LRCH3: variants seen among roughly 807,000 people sequenced by gnomAD.
LRCH3 encodes the protein DISP complex protein LRCH3.
A neutral mutation model predicts 104.5 loss-of-function variants in LRCH3; 68 were observed. The observed-to-expected ratio is 0.65, with a 90% CI of 0.54 to 0.80. The LOEUF is 0.80. Among genes scored for constraint, LRCH3 ranks in the 30% least tolerant of loss-of-function variants. LRCH3 has a pLI of 0.00. For missense variants in LRCH3, 951 were observed against 953.9 expected (o/e 1.00, Z 0.04); for synonymous variants, 344 against 361.3 (o/e 0.95, Z 0.54).
intron 12 of LRCH3, chr3:197,850,887 C>G (rs200748390): frequency 1.1e-6 from 1 of 885,670 alleles, no homozygotes; most frequent in East Asian, 2.4e-5. Context: ...AAAGTGAACA[C>G]GAAGATTGGA....
At chr3:197,849,347 CAGA>C (rs142334771) in intron 12 of LRCH3, among the ~76,000 whole-genome samples, 4,609 of 150,244 alleles carry the variant, frequency 0.031, 104 homozygotes, top group Non-Finnish European at 0.044. Flanking sequence ...TTCCTACAAG[CAGA>C]AGTTCACAAA....
intron 20 of LRCH3, chr3:197,880,902 G>C: frequency 7.0e-7 from 1 of 1,427,456 alleles, no homozygotes; most frequent in Admixed American, 2.9e-5. Context: ...AAACATTTAC[G>C]ATTGCTAACA....
At chr3:197,850,319 A>C in intron 12 of LRCH3, 8 of 673,446 alleles carry the variant, frequency 1.2e-5, no homozygotes, top group Middle Eastern at 4.2e-4. Flanking sequence ...TACTCATTTA[A>C]TTCTCCCAAC....
In LRCH3 at chr3:197,850,892, A is replaced by C. The variant is rs895937536; in HGVS notation, c.1531-1669A>C. 5 of 867,516 alleles carry C rather than the reference A, an allele frequency of 5.8e-6. No individual in the cohort carries two copies. In the African/African-American group the frequency reaches 8.2e-5, roughly 14 times the overall value. The allele number at this position is 867,516 out of a possible 1,614,324, so 53.7% of individuals were successfully genotyped here. A position where few individuals can be genotyped will look rare whatever the true frequency, so the allele number is the denominator to read the frequency against. ...GAGTGTTCTTAAAGTGAACACGAAG[A>C]TTGGAACCTCTTGATTTGCATGATT... On this transcript the variant is annotated intron_variant, in intron 12 of 20. Transcript: ENST00000425562.
rs758042043 is a variant in LRCH3 at position 197,814,984 on chromosome 3, C to T, written c.339C>T (p.Tyr113=). 44 of 1,590,422 alleles carry T rather than the reference C, an allele frequency of 2.8e-5. 2 individuals carry two copies. In the South Asian group the frequency reaches 3.9e-4, roughly 14 times the overall value. ...HFVSLENLNL[Y]QNCIRYIPEA... is the part of the protein sequence containing the mutation. ...TTTCTCTGGAAAATCTCAACTTGTA[C>T]CAAAATTGTATTCGTTATATTCCAG... is the stretch of plus-strand genomic sequence containing the variant. The change falls in exon 2 of 21, where the codon TAC becomes TAT. Residue 113 remains tyrosine (Y), a synonymous_variant. Transcript: ENST00000425562.
intron 17 of LRCH3, among the ~76,000 whole-genome samples, chr3:197,867,409 T>TA: frequency 6.7e-6 from 1 of 149,154 alleles, no homozygotes; most frequent in South Asian, 2.1e-4. Context: ...GTGTGAAACT[T>TA]ATGTCTCAAA....
rs916945978 is a variant in LRCH3 at position 197,811,114 on chromosome 3, C to T, written c.263-3794C>T. ...CGTAACCCACTCTCATGACTCATCA[C>T]GGGGTCTTCAGTGACTGCGCTGCCG... On this transcript the variant is annotated intron_variant, in intron 1 of 20. Transcript: ENST00000425562. 5.3e-5 allele frequency among the ~76,000 whole-genome samples: 8 copies of T among 152,206 alleles called. No homozygotes were observed. The South Asian group carries it at 1.2e-3, about 24-fold the overall frequency.
At chr3:197,809,736 C>T (rs1442724493) in intron 1 of LRCH3, among the ~76,000 whole-genome samples, 1 of 151,820 alleles carries the variant, frequency 6.6e-6, no homozygotes, top group African/African-American at 2.4e-5. Flanking sequence ...TTTGTTTCCC[C>T]TTCATATCTT....
intron 13 of LRCH3, among the ~76,000 whole-genome samples, chr3:197,853,640 G>C (rs1418373399): frequency 6.6e-6 from 1 of 152,184 alleles, no homozygotes; most frequent in African/African-American, 2.4e-5. Flanking sequence ...TGTTTTTAAA[G>C]CACAGGAGTT....
intron 19 of LRCH3, among the ~76,000 whole-genome samples, chr3:197,871,798 A>C (rs2109528349): frequency 6.6e-6 from 1 of 152,346 alleles, no homozygotes. Flanking sequence ...CCAGCAGTAC[A>C]GAGAGGGGAG....
At chr3:197,850,838 C>T in intron 12 of LRCH3, 1 of 1,056,424 alleles carries the variant, frequency 9.5e-7, no homozygotes, top group Non-Finnish European at 1.5e-6. Flanking sequence ...TTCGTATATG[C>T]ATACCCTTGG....
chr3:197,799,556 A>G (rs1327791122), intron 1 of LRCH3, among the ~76,000 whole-genome samples: 1 of 152,146 alleles, frequency 6.6e-6, no homozygotes, highest in Non-Finnish European at 1.5e-5. Flanking sequence ...AAACTGGGTA[A>G]TAGATTTTCC....
At position 197,821,174 on chromosome 3, in the gene LRCH3, C is replaced by T. The variant is rs74905271; in HGVS notation, c.640+744C>T. ...ACTTAAAAATGGACTTTGACCTGAA[C>T]TTAACCGGTCACTGGAGATGTTCAA... is the stretch of plus-strand genomic sequence containing the variant. On this transcript the variant is annotated intron_variant, in intron 4 of 20. Transcript: ENST00000425562. Among the ~76,000 whole-genome samples the T allele has an allele frequency of 2.6e-3, 394 of 152,224 alleles. 3 individuals carry two copies. The highest frequency in any genetic ancestry group is 0.013 in the South Asian group (64 of 4,822).
intron 10 of LRCH3, among the ~76,000 whole-genome samples, chr3:197,840,760 A>G (rs1050981314): frequency 5.3e-5 from 8 of 152,156 alleles, no homozygotes; most frequent in Non-Finnish European, 8.8e-5. Context: ...TACTCTTATC[A>G]CTTAACTCAT....
At position 197,887,730 on chromosome 3, in the gene LRCH3, C is replaced by T. The variant is rs1389025305; in HGVS notation, c.*4064C>T. 4.5e-4 allele frequency: 34 copies of T among 76,144 alleles called. No homozygotes were observed. The highest frequency in any genetic ancestry group is 2.5e-3 in the African/African-American group (24 of 9,708). 4.7% of individuals were successfully genotyped at this position (76,144 alleles called of 1,614,324 possible). ...GAGCCCTTCCCATCACTGACAGTGT[C>T]TGGGGCTGAGAGCCCCCCAGCAGAG... On this transcript the variant is annotated 3_prime_UTR_variant, in exon 21 of 21. Transcript: ENST00000425562.
chr3:197,873,712 G>A (rs527284978), intron 19 of LRCH3, among the ~76,000 whole-genome samples: 21 of 152,148 alleles, frequency 1.4e-4, no homozygotes, highest in Admixed American at 3.3e-4. Context: ...GCAACAGAGC[G>A]AGACCCTGAC....
chr3:197,831,194 A>C (rs1396638964), intron 7 of LRCH3: 1 of 199,844 alleles, frequency 5.0e-6, no homozygotes, highest in Non-Finnish European at 1.0e-5. Flanking sequence ...TGGTGAGAAA[A>C]CAAGTAGGAC....
Position 197,835,822 on chromosome 3 carries a change from G to GGTA in LRCH3, c.1251+4_1251+6dup, listed in dbSNP as rs1175510292. 3 of 1,613,546 alleles carry GGTA rather than the reference G, an allele frequency of 1.9e-6. No homozygotes were observed. The African/African-American group carries it at 4.0e-5, about 22-fold the overall frequency. On this transcript the variant is annotated inframe_insertion and splice_region_variant. Coordinates refer to ENST00000425562, the MANE Select transcript of LRCH3 (RefSeq NM_001365715.1). ...TTGAACAGCGGCGAATCTCTCATGA[G>GGTA]GTAGTACACAGATTGAAGCCTAAAT...
At position 197,817,174 on chromosome 3, in the gene LRCH3, A is replaced by C. The variant is rs2109196101; in HGVS notation, c.408-2A>C. On this transcript the variant is annotated splice_acceptor_variant, in intron 2 of 20. Transcript: ENST00000425562. LOFTEE classifies it high-confidence loss of function. ...CTTCTCTCTTTCTACTTACCCATTT[A>C]GTCGGAACCAACTGTCAACATTGCC... The C allele has an allele frequency of 6.3e-7, 1 of 1,591,546 alleles. No homozygotes were observed. The highest frequency in any genetic ancestry group is 8.5e-7 in the Non-Finnish European group (1 of 1,169,772).
Sources: gnomAD v4.1 joint callset for allele counts (sites outside exome capture counted in the v4.1 genomes callset) on GRCh38, gnomAD v4.1.1 for gene constraint, MANE v1.5 for transcripts, NCBI Gene and HGNC (gene_info 2026-07-23, HGNC 2026-07-21) for gene names.